Variants in TENM4 observed in about 807,000 individuals in gnomAD.
TENM4 encodes teneurin transmembrane protein 4, also known as teneurin-4.
Under a neutral mutation model 243.3 loss-of-function variants are expected in TENM4, and 82 were observed. The ratio of observed to expected loss-of-function variants is 0.34; its 90% confidence interval spans 0.28 to 0.40. TENM4 has a LOEUF of 0.40. Ranked by LOEUF, TENM4 falls within the 10% of genes least tolerant of loss-of-function variation. The pLI is 1.00. For missense variants in TENM4, 3,138 were observed against 3,673.3 expected (o/e 0.85, Z 3.77); for synonymous variants, 1,412 against 1,456.3 (o/e 0.97, Z 0.69).
intron 6 of TENM4, among the ~76,000 whole-genome samples, chr11:79,051,977 A>G (rs2136940165): frequency 6.6e-6 from 1 of 152,348 alleles, no homozygotes; most frequent in East Asian, 1.9e-4. Context: ...GCTGCACAGT[A>G]TTCCATGGTG....
At position 79,201,981 on chromosome 11, in the gene TENM4, G is replaced by A. The variant is rs187953465; in HGVS notation, c.-163+13827C>T. 3.9e-5 allele frequency among the ~76,000 whole-genome samples: 6 copies of A among 152,306 alleles called. No individual in the cohort carries two copies. In the East Asian group the frequency reaches 7.7e-4, roughly 20 times the overall value. ...GAGATATGCAGGATAGGATTCACAC[G>A]GCTTTGTGACTGGTCAGGTGTGTGA... On this transcript the variant is annotated intron_variant, in intron 3 of 33. Transcript: ENST00000278550.
At chr11:78,940,956 C>A (rs1035544242) in intron 6 of TENM4, among the ~76,000 whole-genome samples, 13 of 152,232 alleles carry the variant, frequency 8.5e-5, no homozygotes, top group Admixed American at 5.2e-4. Flanking sequence ...TTCACCTGAG[C>A]CTTTTTGCCT....
At chr11:78,724,713 G>A (rs1274140103) in intron 23 of TENM4, among the ~76,000 whole-genome samples, 1 of 152,200 alleles carries the variant, frequency 6.6e-6, no homozygotes, top group African/African-American at 2.4e-5. Flanking sequence ...AACAGACCAC[G>A]ATCCCTGGCT....
rs192176575 is a variant in TENM4, at chr11:78,955,887, C to T, written c.494-52364G>A. Among the ~76,000 whole-genome samples, 7 of 152,266 alleles carry T rather than the reference C, an allele frequency of 4.6e-5. No homozygotes were observed. The East Asian group carries it at 1.4e-3, about 29-fold the overall frequency. On this transcript the variant is annotated intron_variant, in intron 6 of 33. Transcript: ENST00000278550. ...GTCACCACTGCCCTCAATGCGGGGCCATAATGGTCTGCCCCAGGTGGAAGG... is the reference window on the plus strand; with the variant it reads ...GTCACCACTGCCCTCAATGCGGGGCTATAATGGTCTGCCCCAGGTGGAAGG...
At chr11:78,757,733 G>A (rs935836963) in intron 18 of TENM4, among the ~76,000 whole-genome samples, 2 of 152,232 alleles carry the variant, frequency 1.3e-5, no homozygotes, top group Admixed American at 6.5e-5. Flanking sequence ...AATTCTCAGC[G>A]TCTCTCCCAG....
chr11:78,999,286 G>T (rs375119694), intron 6 of TENM4, among the ~76,000 whole-genome samples: 3 of 152,240 alleles, frequency 2.0e-5, no homozygotes, highest in East Asian at 1.9e-4. Context: ...GGCTGAGGTG[G>T]GTGGATCACG....
At chr11:79,320,146 G>A (rs1394272097) in intron 1 of TENM4, among the ~76,000 whole-genome samples, 2 of 152,172 alleles carry the variant, frequency 1.3e-5, no homozygotes, top group Non-Finnish European at 2.9e-5. Flanking sequence ...TCTGACTCCT[G>A]AAAACATCCC....
chr11:79,108,594 C>T (rs1219776768), intron 4 of TENM4, among the ~76,000 whole-genome samples: 1 of 152,006 alleles, frequency 6.6e-6, no homozygotes, highest in South Asian at 2.1e-4. Context: ...ACTAATATGC[C>T]ATCTTAACCA....
At chr11:79,221,135 T>C (rs901053593) in intron 2 of TENM4, 2 of 152,220 alleles carry the variant, frequency 1.3e-5, no homozygotes, top group Non-Finnish European at 2.9e-5. Flanking sequence ...TGAAGGGGCA[T>C]GGCAGCGGGG....
chr11:79,133,185 C>T (rs868693948), intron 4 of TENM4, among the ~76,000 whole-genome samples: 1 of 152,114 alleles, frequency 6.6e-6, no homozygotes, highest in Non-Finnish European at 1.5e-5. Flanking sequence ...ACTGACACCA[C>T]TGAAATACAA....
rs2135600100 is a variant in TENM4 at position 78,654,251 on chromosome 11, A to G, written c.*3807T>C. ...GGACTGGAGAATAGCCTGGACTTTG[A>G]GCAGTGGATGCTCAAATCCCCAAGC... On this transcript the variant is annotated 3_prime_UTR_variant, in exon 34 of 34. Coordinates refer to ENST00000278550, the MANE Select transcript of TENM4 (RefSeq NM_001098816.3). 1 of 152,218 alleles carries G rather than the reference A, an allele frequency of 6.6e-6. No homozygotes were observed. Among genetic ancestry groups the G allele is most frequent in the African/African-American group, 2.4e-5 (1 of 41,518 alleles). 9.4% of individuals were successfully genotyped at this position (152,218 alleles called of 1,614,324 possible).
chr11:79,000,708 A>G (rs1206802197), intron 6 of TENM4, among the ~76,000 whole-genome samples: 1 of 152,220 alleles, frequency 6.6e-6, no homozygotes, highest in Non-Finnish European at 1.5e-5. Context: ...AGAAACAGAG[A>G]AATAAAAAAG....
intron 1 of TENM4, among the ~76,000 whole-genome samples, chr11:79,374,621 C>T (rs1262688695): frequency 6.6e-6 from 1 of 151,702 alleles, no homozygotes; most frequent in Non-Finnish European, 1.5e-5. Context: ...AATGATATCA[C>T]TAAGTCATGG....
At chr11:78,960,752 G>A (rs769479841) in intron 6 of TENM4, among the ~76,000 whole-genome samples, 8 of 152,164 alleles carry the variant, frequency 5.3e-5, no homozygotes, top group Admixed American at 6.5e-5. Context: ...GGTTCCTACC[G>A]CCTTTGCCAC....
At chr11:78,943,422 G>C (rs1008925744) in intron 6 of TENM4, among the ~76,000 whole-genome samples, 1 of 152,226 alleles carries the variant, frequency 6.6e-6, no homozygotes, top group African/African-American at 2.4e-5. Flanking sequence ...GGAATGTGGA[G>C]AGTGGAAATG....
chr11:78,739,030 G>A (rs181969314), intron 19 of TENM4, among the ~76,000 whole-genome samples: 2 of 151,948 alleles, frequency 1.3e-5, no homozygotes, highest in African/African-American at 4.8e-5. Flanking sequence ...AAATGACAAT[G>A]GCTATTACTG....
At chr11:79,323,900 C>CAG (rs995441182) in intron 1 of TENM4, among the ~76,000 whole-genome samples, 12 of 152,066 alleles carry the variant, frequency 7.9e-5, no homozygotes, top group African/African-American at 2.9e-4. Context: ...CACACACACA[C>CAG]ACATATATAC....
chr11:79,412,714 A>C (rs1037262426), intron 1 of TENM4, among the ~76,000 whole-genome samples: 8 of 152,218 alleles, frequency 5.3e-5, no homozygotes, highest in Non-Finnish European at 1.0e-4. Flanking sequence ...TCTCCCAGTA[A>C]CTTCCAACTA....
At chr11:78,736,172 G>A (rs535449964) in intron 20 of TENM4, among the ~76,000 whole-genome samples, 2 of 152,010 alleles carry the variant, frequency 1.3e-5, no homozygotes, top group African/African-American at 2.4e-5. Flanking sequence ...GCCTAGGCTG[G>A]TCTTGAACGC....
Sources: gnomAD v4.1 joint callset for allele counts (sites outside exome capture counted in the v4.1 genomes callset) on GRCh38, gnomAD v4.1.1 for gene constraint, MANE v1.5 for transcripts, NCBI Gene and HGNC (gene_info 2026-07-23, HGNC 2026-07-21) for gene names.